The following ATG7 variants were observed in gnomAD, a reference collection of about 807,000 sequenced individuals.
ATG7 encodes the protein ubiquitin-like modifier-activating enzyme ATG7.
ATG7 carries 70 observed loss-of-function variants against 82.4 expected under a neutral mutation model. The ratio of observed to expected loss-of-function variants is 0.85; its 90% CI spans 0.70 to 1.04. The LOEUF (loss-of-function observed/expected upper bound fraction) is 1.04, where lower values mean the gene tolerates loss of function less well. ATG7 is among the 50% of genes least tolerant of loss of function. ATG7 has a pLI of 0.00. For missense variants in ATG7, 792 were observed against 864.3 expected, an observed-to-expected ratio of 0.92 and a Z score of 1.05; for synonymous variants, 287 against 313.0, an observed-to-expected ratio of 0.92 and a Z score of 0.88.
Position 11,437,726 on chromosome 3 carries a change from G to A in ATG7, c.2079+10800G>A, listed in dbSNP as rs199605104. ...TCTGTGTACGTGCATGCACTCCCCC[G>A]ACGTCTTATCACAGTTCGCATATAT... On this transcript the variant is annotated intron_variant, in intron 20 of 20. Coordinates refer to ENST00000693202, the MANE Select transcript of ATG7 (RefSeq NM_001349232.2). 2.6e-5 allele frequency among the ~76,000 whole-genome samples: 4 copies of A among 152,176 alleles called. No homozygotes were observed. The East Asian group carries it at 5.8e-4, about 22-fold the overall frequency.
chr3:11,287,621 G>A (rs1279813087), intron 3 of ATG7, among the ~76,000 whole-genome samples: 4 of 152,212 alleles, frequency 2.6e-5, no homozygotes, highest in South Asian at 2.1e-4. Flanking sequence ...TTTCCGGAAC[G>A]TTATGAGCCT....
intron 20 of ATG7, among the ~76,000 whole-genome samples, chr3:11,495,192 G>A (rs567411603): frequency 1.1e-4 from 17 of 152,180 alleles, no homozygotes; most frequent in African/African-American, 3.1e-4. Flanking sequence ...AGTTGGGTAC[G>A]TGGCTTAGAC....
At chr3:11,363,900 G>A (rs2076432534) in intron 17 of ATG7, among the ~76,000 whole-genome samples, 1 of 152,184 alleles carries the variant, frequency 6.6e-6, no homozygotes, top group Admixed American at 6.5e-5. Flanking sequence ...GGTACTCTGA[G>A]ATAAATGAAA....
intron 20 of ATG7, among the ~76,000 whole-genome samples, chr3:11,539,734 T>C (rs2070669705): frequency 1.3e-5 from 2 of 152,238 alleles, no homozygotes; most frequent in African/African-American, 2.4e-5. Context: ...ATAAAATCTA[T>C]TGATGCGCAT....
At chr3:11,573,030 G>A in the ATG7 span, among the ~76,000 whole-genome samples, 2 of 151,842 alleles carry the variant, frequency 1.3e-5, no homozygotes, top group Admixed American at 1.3e-4. Flanking sequence ...GCTGGGCTTG[G>A]TGGTGGGCGC....
the ATG7 span, among the ~76,000 whole-genome samples, chr3:11,567,098 G>A: frequency 2.6e-5 from 4 of 152,192 alleles, no homozygotes; most frequent in South Asian, 2.1e-4. Context: ...GTGCAGCCTC[G>A]GCTGTGATGT....
At chr3:11,411,697 G>T (rs1300032621) in intron 19 of ATG7, among the ~76,000 whole-genome samples, 1 of 145,874 alleles carries the variant, frequency 6.9e-6, no homozygotes, top group Non-Finnish European at 1.5e-5. Context: ...TCCAGAAGTT[G>T]CCTTTTTACT....
intron 20 of ATG7, among the ~76,000 whole-genome samples, chr3:11,477,718 A>G (rs1008318560): frequency 6.6e-6 from 1 of 152,228 alleles, no homozygotes; most frequent in Non-Finnish European, 1.5e-5. Context: ...TGTTACTGGA[A>G]CTACTCATAG....
chr3:11,541,380 C>T (rs1342136614), intron 20 of ATG7, among the ~76,000 whole-genome samples: 4 of 152,126 alleles, frequency 2.6e-5, no homozygotes, highest in East Asian at 3.9e-4. Flanking sequence ...GTCACCTGCC[C>T]GTGTTTGTGG....
At chr3:11,525,695 C>T (rs928202815) in intron 20 of ATG7, among the ~76,000 whole-genome samples, 9 of 151,696 alleles carry the variant, frequency 5.9e-5, no homozygotes, top group Non-Finnish European at 1.3e-4. Context: ...GCTGGAACTA[C>T]AGGTACCCGC....
chr3:11,574,236 G>A, the ATG7 span, among the ~76,000 whole-genome samples: 6 of 152,108 alleles, frequency 3.9e-5, no homozygotes, highest in Non-Finnish European at 4.4e-5. Context: ...TGCTTTACAC[G>A]GCTTTAGATA....
At chr3:11,340,044 C>T (rs1465093631) in intron 11 of ATG7, among the ~76,000 whole-genome samples, 1 of 152,128 alleles carries the variant, frequency 6.6e-6, no homozygotes, top group East Asian at 1.9e-4. Context: ...GCTCCCATAG[C>T]AGGGATTAAA....
chr3:11,554,875 G>A lies in ATG7; in HGVS notation c.*32G>A, dbSNP rs187623536. 75 of 1,608,594 alleles carry A rather than the reference G, an allele frequency of 4.7e-5. No individual in the cohort carries two copies. The African/African-American group carries it at 6.0e-4, about 13-fold the overall frequency. ...CCCGCTGTGGGGCTGACTTCTCCCCGGCCGCCTGCTGAGGAGCTCTCCATC... is the reference window on the plus strand; with the variant it reads ...CCCGCTGTGGGGCTGACTTCTCCCCAGCCGCCTGCTGAGGAGCTCTCCATC... On this transcript the variant is annotated 3_prime_UTR_variant, in exon 21 of 21. Coordinates refer to ENST00000693202, the MANE Select transcript of ATG7 (RefSeq NM_001349232.2).
intron 14 of ATG7, among the ~76,000 whole-genome samples, chr3:11,353,137 C>A (rs2606739): frequency 0.87 from 132,827 of 152,228 alleles, 58,302 homozygotes; most frequent in East Asian, 1. Context: ...TGGGTGATAG[C>A]CCCTTTAAAA....
intron 20 of ATG7, among the ~76,000 whole-genome samples, chr3:11,482,258 A>G (rs762965744): frequency 1.3e-5 from 2 of 152,182 alleles, no homozygotes; most frequent in East Asian, 1.9e-4. Context: ...TGGAAACACA[A>G]CAGCGCTCAG....
intron 3 of ATG7, among the ~76,000 whole-genome samples, chr3:11,295,961 A>G (rs911704190): frequency 6.6e-6 from 1 of 152,092 alleles, no homozygotes; most frequent in African/African-American, 2.4e-5. Context: ...TATTTTTGGT[A>G]GAGACGGGGT....
chr3:11,527,842 CA>C (rs1385457595), intron 20 of ATG7, among the ~76,000 whole-genome samples: 4 of 152,200 alleles, frequency 2.6e-5, no homozygotes, highest in African/African-American at 9.6e-5. Context: ...GATGTTGTAA[CA>C]GCCAACATAG....
chr3:11,390,624 A>G (rs1447520168), intron 19 of ATG7, among the ~76,000 whole-genome samples: 1 of 150,920 alleles, frequency 6.6e-6, no homozygotes, highest in Non-Finnish European at 1.5e-5. Flanking sequence ...TATTTTCCTC[A>G]TAATAGCCTC....
intron 20 of ATG7, among the ~76,000 whole-genome samples, chr3:11,526,107 A>G (rs1354052162): frequency 1.3e-5 from 2 of 152,156 alleles, no homozygotes; most frequent in Non-Finnish European, 2.9e-5. Flanking sequence ...ATCTTCATCA[A>G]GGGCCAGGCA....
Sources: allele counts gnomAD v4.1 joint callset (sites outside exome capture counted in the v4.1 genomes callset), GRCh38; gene constraint gnomAD v4.1.1; transcripts MANE v1.5; gene names NCBI Gene and HGNC (gene_info 2026-07-23, HGNC 2026-07-21).